Variants in CTPS2 observed in about 807,000 individuals in gnomAD.
The protein encoded by CTPS2 is CTP synthase 2.
CTPS2 carries 19 observed loss-of-function variants against 46.8 expected under a neutral mutation model. That is an observed-to-expected ratio of 0.41 (90% CI 0.28 to 0.60). The LOEUF (loss-of-function observed/expected upper bound fraction) is 0.60. Ranked by LOEUF, CTPS2 falls within the 20% of genes least tolerant of loss-of-function variation. CTPS2 has a pLI of 0.35. For synonymous variants in CTPS2, 151 were observed against 165.2 expected (o/e 0.91, Z 0.66); for missense variants, 286 against 447.6 (o/e 0.64, Z 3.26).
chrX:16,599,840 G>A (rs1031863272), intron 17 of CTPS2, among the ~76,000 whole-genome samples: 2 of 108,491 alleles, frequency 1.8e-5, no homozygotes, highest in African/African-American at 6.8e-5. Context: ...GAGCACAGTG[G>A]TGTGACCTTG....
At chrX:16,616,053 AGCTGGC>A (rs1930510124) in intron 16 of CTPS2, among the ~76,000 whole-genome samples, 1 of 112,120 alleles carries the variant, frequency 8.9e-6, no homozygotes, top group Non-Finnish European at 1.9e-5. Context: ...TCAGCTCATA[AGCTGGC>A]TGTAAACAGC....
intron 15 of CTPS2, among the ~76,000 whole-genome samples, chrX:16,618,680 C>T (rs985813396): frequency 2.7e-5 from 3 of 111,569 alleles, no homozygotes; most frequent in African/African-American, 3.3e-5. Context: ...GGTTTCAATA[C>T]GCATTTCCCT....
At chrX:16,683,661 T>C (rs1331639512) in intron 8 of CTPS2, among the ~76,000 whole-genome samples, 1 of 111,744 alleles carries the variant, frequency 8.9e-6, no homozygotes, top group Non-Finnish European at 1.9e-5. Context: ...AAAATTCAAG[T>C]ATATCAGAGA....
At chrX:16,620,072 A>C (rs926117140) in intron 15 of CTPS2, among the ~76,000 whole-genome samples, 3 of 110,841 alleles carry the variant, frequency 2.7e-5, no homozygotes, top group Non-Finnish European at 5.7e-5. Context: ...AGCCAAAAAC[A>C]TGAGAGCCTC....
At chrX:16,661,489 A>G (rs1347749103) in intron 13 of CTPS2, among the ~76,000 whole-genome samples, 5 of 112,038 alleles carry the variant, frequency 4.5e-5, no homozygotes, top group Non-Finnish European at 7.5e-5. Flanking sequence ...AAGTTGTTGA[A>G]AAATAATACA....
chrX:16,663,635 G>A (rs1389231331), intron 13 of CTPS2, among the ~76,000 whole-genome samples: 4 of 110,621 alleles, frequency 3.6e-5, no homozygotes, highest in East Asian at 2.8e-4. Flanking sequence ...GCTGTAGTGC[G>A]CTATGATCAC....
intron 17 of CTPS2, among the ~76,000 whole-genome samples, chrX:16,599,466 TC>T: frequency 1.0e-5 from 1 of 99,337 alleles, no homozygotes; most frequent in African/African-American, 3.9e-5. Context: ...TTTTTCTTTT[TC>T]TTTTTTTTCT....
intron 13 of CTPS2, among the ~76,000 whole-genome samples, chrX:16,651,760 T>C (rs181241317): frequency 3.1e-4 from 35 of 111,458 alleles, no homozygotes; most frequent in African/African-American, 1.1e-3. Context: ...CACCCCAGAG[T>C]TGTCAAAATC....
At chrX:16,695,892 C>A (rs1184307296) in intron 4 of CTPS2, among the ~76,000 whole-genome samples, 1 of 110,555 alleles carries the variant, frequency 9.0e-6, no homozygotes, top group Admixed American at 9.8e-5. Flanking sequence ...GCTCTGCCAC[C>A]CAGGCTGGAG....
intron 11 of CTPS2, among the ~76,000 whole-genome samples, chrX:16,668,404 C>G (rs1487415226): frequency 1.0e-5 from 1 of 99,968 alleles, no homozygotes; most frequent in Non-Finnish European, 2.0e-5. Flanking sequence ...GAAACCCCAT[C>G]TCTACTAAAA....
intron 13 of CTPS2, among the ~76,000 whole-genome samples, chrX:16,649,082 CT>C (rs1331502998): frequency 8.9e-6 from 1 of 112,412 alleles, no homozygotes; most frequent in African/African-American, 3.2e-5. Flanking sequence ...TCATGGAACT[CT>C]TTCCAGTAGA....
chrX:16,663,543 A>G (rs1252456001), intron 13 of CTPS2, among the ~76,000 whole-genome samples: 1 of 111,594 alleles, frequency 9.0e-6, no homozygotes, highest in African/African-American at 3.3e-5. Flanking sequence ...AAATAACTAA[A>G]GAAATGCATC....
chrX:16,688,625 C>G (rs1923439623), intron 8 of CTPS2, among the ~76,000 whole-genome samples: 1 of 110,223 alleles, frequency 9.1e-6, no homozygotes. Flanking sequence ...ATATACTTGT[C>G]TGAAAGTTAG....
intron 13 of CTPS2, among the ~76,000 whole-genome samples, chrX:16,663,281 G>C (rs769077860): frequency 9.0e-6 from 1 of 111,215 alleles, no homozygotes; most frequent in South Asian, 3.8e-4. Context: ...GAGTAGCTAG[G>C]ACTATAGGTG....
chrX:16,689,975 C>G (rs1432579254), intron 7 of CTPS2, among the ~76,000 whole-genome samples: 1 of 109,704 alleles, frequency 9.1e-6, no homozygotes, highest in Non-Finnish European at 1.9e-5. Flanking sequence ...TCGCTGGAAC[C>G]CAGGAGGCGG....
At chrX:16,659,625 C>CA (rs60810583) in intron 13 of CTPS2, among the ~76,000 whole-genome samples, 39,128 of 99,862 alleles carry the variant, frequency 0.39, 5,931 homozygotes, top group Middle Eastern at 0.46. Context: ...CACAGAATGA[C>CA]AAAAAAAAAA....
chrX:16,658,078 C>T (rs761758351), intron 13 of CTPS2, among the ~76,000 whole-genome samples: 51 of 110,056 alleles, frequency 4.6e-4, no homozygotes, highest in Non-Finnish European at 9.1e-4. Context: ...TAGTGGCGCA[C>T]ACCTACAATC....
intron 13 of CTPS2, among the ~76,000 whole-genome samples, chrX:16,661,224 T>A (rs1399506636): frequency 2.7e-5 from 3 of 112,124 alleles, no homozygotes; most frequent in African/African-American, 9.7e-5. Flanking sequence ...CCTCCCAAAG[T>A]GCTGGGATTA....
chrX:16,594,114 T>C (rs1929102726), intron 17 of CTPS2, among the ~76,000 whole-genome samples: 1 of 111,685 alleles, frequency 9.0e-6, no homozygotes, highest in Admixed American at 9.5e-5. Flanking sequence ...AGAATCCCCA[T>C]TATACTAGCT....
Sources: gnomAD v4.1 joint callset for allele counts (sites outside exome capture counted in the v4.1 genomes callset) on GRCh38, gnomAD v4.1.1 for gene constraint, MANE v1.5 for transcripts, NCBI Gene and HGNC (gene_info 2026-07-23, HGNC 2026-07-21) for gene names.